MACROD1: variants seen among roughly 807,000 people sequenced by gnomAD.
MACROD1 encodes the protein ADP-ribose glycohydrolase MACROD1.
Under a neutral mutation model 41.4 loss-of-function variants are expected in MACROD1, and 31 were observed. The ratio of observed to expected loss-of-function variants is 0.75; its 90% CI spans 0.56 to 1.01. The LOEUF (loss-of-function observed/expected upper bound fraction) is 1.01. Ranked by LOEUF, MACROD1 falls within the 50% of genes least tolerant of loss-of-function variation. MACROD1 has a pLI of 0.00. For synonymous variants in MACROD1, 252 were observed against 203.4 expected (o/e 1.24, Z -2.03); for missense variants, 473 against 460.0 (o/e 1.03, Z -0.26).
intron 3 of MACROD1, among the ~76,000 whole-genome samples, chr11:64,033,443 G>C (rs929458914): frequency 6.6e-6 from 1 of 152,202 alleles, no homozygotes; most frequent in African/African-American, 2.4e-5. Flanking sequence ...CTGGAGTGTA[G>C]TGGCACGATC....
intron 3 of MACROD1, among the ~76,000 whole-genome samples, chr11:64,092,001 G>A (rs1171210369): frequency 6.6e-6 from 1 of 152,184 alleles, no homozygotes; most frequent in Non-Finnish European, 1.5e-5. Context: ...CGGGGCTGCC[G>A]GCCCTCTATC....
At chr11:64,071,676 C>A (rs1944110116) in intron 3 of MACROD1, among the ~76,000 whole-genome samples, 1 of 152,210 alleles carries the variant, frequency 6.6e-6, no homozygotes, top group South Asian at 2.1e-4. Context: ...CAGAGCCCCC[C>A]AGCTTGGTGG....
At chr11:64,037,660 T>C (rs1234514445) in intron 3 of MACROD1, among the ~76,000 whole-genome samples, 2 of 152,096 alleles carry the variant, frequency 1.3e-5, no homozygotes, top group Non-Finnish European at 2.9e-5. Flanking sequence ...TGTGTGTGTG[T>C]GCGCACCCAG....
chr11:64,029,868 G>C (rs1943271144), intron 3 of MACROD1, among the ~76,000 whole-genome samples: 1 of 152,228 alleles, frequency 6.6e-6, no homozygotes, highest in Admixed American at 6.5e-5. Context: ...TGATCGCTGA[G>C]AAGGGAGGGA....
At chr11:64,163,016 G>T (rs1030284221) in intron 1 of MACROD1, among the ~76,000 whole-genome samples, 1 of 152,160 alleles carries the variant, frequency 6.6e-6, no homozygotes, top group African/African-American at 2.4e-5. Flanking sequence ...AGCTACTGGG[G>T]AGGCTGAGGC....
chr11:64,042,619 C>T (rs572369518), intron 3 of MACROD1, among the ~76,000 whole-genome samples: 25 of 152,214 alleles, frequency 1.6e-4, no homozygotes, highest in African/African-American at 5.5e-4. Flanking sequence ...TCTTGGAAGC[C>T]CTTCCCTGCC....
chr11:64,134,869 G>C (rs190988821), intron 3 of MACROD1, among the ~76,000 whole-genome samples: 1 of 152,358 alleles, frequency 6.6e-6, no homozygotes, highest in Non-Finnish European at 1.5e-5. Flanking sequence ...CGCATATTAA[G>C]AGAGGAGTAG....
At chr11:64,091,123 G>A (rs1307369345) in intron 3 of MACROD1, among the ~76,000 whole-genome samples, 1 of 144,816 alleles carries the variant, frequency 6.9e-6, no homozygotes, top group African/African-American at 2.5e-5. Flanking sequence ...AGGGAAGAGA[G>A]GGTGGGGAGG....
chr11:64,013,248 A>G (rs1292062503), intron 4 of MACROD1, among the ~76,000 whole-genome samples: 2 of 152,228 alleles, frequency 1.3e-5, no homozygotes, highest in African/African-American at 2.4e-5. Flanking sequence ...GGTGCTCAGA[A>G]AAGTTAAAAC....
At chr11:64,054,762 C>A (rs1332349778) in intron 3 of MACROD1, among the ~76,000 whole-genome samples, 1 of 152,126 alleles carries the variant, frequency 6.6e-6, no homozygotes, top group African/African-American at 2.4e-5. Context: ...CCTGGCCAGC[C>A]CCTTCCTGCC....
chr11:64,093,811 G>C (rs1306794920), intron 3 of MACROD1, among the ~76,000 whole-genome samples: 2 of 152,232 alleles, frequency 1.3e-5, no homozygotes, highest in Non-Finnish European at 2.9e-5. Flanking sequence ...TGGAAGGAGG[G>C]AGGAGGTGGT....
intron 3 of MACROD1, among the ~76,000 whole-genome samples, chr11:64,062,591 C>A (rs963274819): frequency 1.3e-5 from 2 of 152,162 alleles, no homozygotes; most frequent in Non-Finnish European, 2.9e-5. Flanking sequence ...CCACCATGTA[C>A]AGGCACTGTC....
chr11:64,078,444 A>G (rs1944243508), intron 3 of MACROD1, among the ~76,000 whole-genome samples: 1 of 152,298 alleles, frequency 6.6e-6, no homozygotes, highest in East Asian at 1.9e-4. Context: ...CCTCAATCCA[A>G]TTACGCCAGG....
chr11:64,051,931 C>A (rs556045363), intron 3 of MACROD1, among the ~76,000 whole-genome samples: 17 of 151,948 alleles, frequency 1.1e-4, no homozygotes, highest in African/African-American at 3.6e-4. Flanking sequence ...ACTGGATACT[C>A]CAAGGCCACT....
intron 3 of MACROD1, among the ~76,000 whole-genome samples, chr11:64,141,972 G>A (rs1945420004): frequency 6.6e-6 from 1 of 152,228 alleles, no homozygotes; most frequent in Non-Finnish European, 1.5e-5. Flanking sequence ...CTCCTCTACA[G>A]GACGCCAAAT....
intron 3 of MACROD1, among the ~76,000 whole-genome samples, chr11:64,112,864 C>A (rs1944887492): frequency 6.6e-6 from 1 of 152,186 alleles, no homozygotes; most frequent in Non-Finnish European, 1.5e-5. Flanking sequence ...TGGGCAGAGA[C>A]CCTGTAAGTG....
rs1942769423 is a variant in MACROD1, at chr11:63,999,090, C to T, written c.892-54G>A. On this transcript the variant is annotated intron_variant, in intron 8 of 10. Transcript: ENST00000255681. ...GAGCTGCCACGCCTGGCCCCAGGAT[C>T]CTGTGACTGCCTGCCCTGGTGCAGG... is the stretch of plus-strand genomic sequence containing the variant. The T allele has an allele frequency of 2.0e-6, 3 of 1,494,858 alleles. No homozygotes were observed. In the East Asian group the frequency reaches 7.2e-5, roughly 36 times the overall value. The allele number at this position is 1,494,858 out of a possible 1,614,324, so 92.6% of individuals were successfully genotyped here. A position where few individuals can be genotyped will look rare whatever the true frequency, so the allele number is the denominator to read the frequency against.
chr11:64,158,067 G>A (rs1227513842), intron 1 of MACROD1, among the ~76,000 whole-genome samples: 1 of 152,200 alleles, frequency 6.6e-6, no homozygotes, highest in Non-Finnish European at 1.5e-5. Context: ...CGACTCCCAG[G>A]GGTACCTGGA....
At chr11:64,020,436 G>T (rs1360971980) in intron 3 of MACROD1, among the ~76,000 whole-genome samples, 1 of 152,092 alleles carries the variant, frequency 6.6e-6, no homozygotes, top group Non-Finnish European at 1.5e-5. Flanking sequence ...GAGCCTTAGT[G>T]AGAAATGAGA....
Sources: allele counts gnomAD v4.1 joint callset (sites outside exome capture counted in the v4.1 genomes callset), GRCh38; gene constraint gnomAD v4.1.1; transcripts MANE v1.5; gene names NCBI Gene and HGNC (gene_info 2026-07-23, HGNC 2026-07-21).